Variants in FRYL observed in about 807,000 individuals in gnomAD.
FRYL encodes the protein protein furry homolog-like.
In FRYL, 150 loss-of-function variants were observed where a neutral mutation model predicts 351.2. The ratio of observed to expected loss-of-function variants is 0.43; its 90% CI spans 0.37 to 0.49. The LOEUF is 0.49. FRYL is among the 20% of genes least tolerant of loss of function. The probability of loss-of-function intolerance (pLI) is 0.00; values close to 1 mark genes in which losing one functional copy is unlikely to be tolerated. For synonymous variants in FRYL, 1,153 were observed against 1,257.1 expected (o/e 0.92, Z 1.75); for missense variants, 3,036 against 3,619.3 (o/e 0.84, Z 4.13).
chr4:48,704,808 G>A (rs550475633), intron 2 of FRYL, among the ~76,000 whole-genome samples: 1 of 152,282 alleles, frequency 6.6e-6, no homozygotes, highest in East Asian at 1.9e-4. Flanking sequence ...AATTAGCTGG[G>A]CATGGTGGCA....
chr4:48,700,706 G>A (rs1469148012), intron 2 of FRYL, among the ~76,000 whole-genome samples: 3 of 151,228 alleles, frequency 2.0e-5, no homozygotes, highest in Non-Finnish European at 1.5e-5. Context: ...GGAGGCTGAG[G>A]TGGGAGGATC....
chr4:48,678,239 C>A (rs17656429), intron 3 of FRYL, among the ~76,000 whole-genome samples: 1 of 151,816 alleles, frequency 6.6e-6, no homozygotes, highest in South Asian at 2.1e-4. Flanking sequence ...GCATTTCAAA[C>A]GATGAAGCAC....
intron 56 of FRYL, 106 bp from the exon 57 acceptor site, chr4:48,512,794 C>G: frequency 1.4e-6 from 1 of 732,748 alleles, no homozygotes; most frequent in Non-Finnish European, 2.3e-6. Context: ...TTTTATTCAT[C>G]ATACACACTG....
chr4:48,776,043 TAAA>T (rs535514949), intron 1 of FRYL, among the ~76,000 whole-genome samples: 1 of 127,582 alleles, frequency 7.8e-6, no homozygotes. Flanking sequence ...ATACAGAGGT[TAAA>T]AAAAAAAAGA....
At chr4:48,674,260 A>G (rs1763184085) in intron 3 of FRYL, among the ~76,000 whole-genome samples, 2 of 152,112 alleles carry the variant, frequency 1.3e-5, no homozygotes, top group African/African-American at 4.8e-5. Context: ...TCCTCCCACC[A>G]ACATTTATAC....
chr4:48,652,916 C>G (rs1758020874), intron 3 of FRYL, among the ~76,000 whole-genome samples: 1 of 152,128 alleles, frequency 6.6e-6, no homozygotes, highest in Admixed American at 6.5e-5. Context: ...TTTTTCTATA[C>G]TTCAATTTTC....
chr4:48,601,977 T>C (rs767533965), intron 13 of FRYL, 43 bp downstream of exon 13: 45 of 1,126,802 alleles, frequency 4.0e-5, no homozygotes, highest in Non-Finnish European at 5.6e-5. Context: ...AAACAAAATA[T>C]ACCAGTCAGT....
At chr4:48,592,849 C>T (rs1364903215) in intron 16 of FRYL, among the ~76,000 whole-genome samples, 1 of 152,042 alleles carries the variant, frequency 6.6e-6, no homozygotes, top group Non-Finnish European at 1.5e-5. Flanking sequence ...ATTATCTTTC[C>T]AACTCATTTG....
chr4:48,662,922 C>T (rs1761056883), intron 3 of FRYL, among the ~76,000 whole-genome samples: 1 of 151,932 alleles, frequency 6.6e-6, no homozygotes, highest in African/African-American at 2.4e-5. Context: ...CCAAGACAGA[C>T]AAAAGCTAAA....
chr4:48,727,328 AATCTT>A (rs1283499622), intron 1 of FRYL: 2 of 152,178 alleles, frequency 1.3e-5, no homozygotes. Context: ...AACAACAACT[AATCTT>A]AGCTCCTTAA....
intron 1 of FRYL, among the ~76,000 whole-genome samples, chr4:48,729,341 C>T (rs1770467007): frequency 6.6e-6 from 1 of 152,234 alleles, no homozygotes; most frequent in Non-Finnish European, 1.5e-5. Flanking sequence ...GACAGCTTCT[C>T]CAGACTTAAA....
intron 1 of FRYL, among the ~76,000 whole-genome samples, chr4:48,742,103 C>T (rs1382311881): frequency 2.0e-5 from 3 of 152,164 alleles, no homozygotes; most frequent in Admixed American, 1.3e-4. Context: ...GGAGGCTATG[C>T]ATGTGTGGGA....
intron 3 of FRYL, chr4:48,645,837 T>A (rs1364778470): frequency 1.3e-5 from 2 of 152,212 alleles, no homozygotes; most frequent in Non-Finnish European, 2.9e-5. Flanking sequence ...GTAATTATAA[T>A]ACCACAAATA....
At chr4:48,701,601 A>G (rs1396219895) in intron 2 of FRYL, among the ~76,000 whole-genome samples, 2 of 152,238 alleles carry the variant, frequency 1.3e-5, no homozygotes. Context: ...TCCCTTTACA[A>G]AAGAAACATG....
At position 48,730,413 on chromosome 4, in the gene FRYL, C is replaced by T. The variant is rs528658961; in HGVS notation, c.-383-19715G>A. Among the ~76,000 whole-genome samples the T allele has an allele frequency of 1.2e-4, 19 of 152,236 alleles. No homozygotes were observed. In the East Asian group the frequency reaches 3.7e-3, roughly 29 times the overall value. On this transcript the variant is annotated intron_variant, in intron 1 of 63. Transcript: ENST00000358350. Reference sequence around the variant, plus strand: ...CAAAGATACTCCTCAAAAAGATCAACCCCAAGCCACGTAATTGTCAGATTC... The same window carrying T: ...CAAAGATACTCCTCAAAAAGATCAATCCCAAGCCACGTAATTGTCAGATTC...
intron 56 of FRYL, among the ~76,000 whole-genome samples, chr4:48,512,897 C>CT (rs1329329544): frequency 6.6e-6 from 1 of 152,130 alleles, no homozygotes; most frequent in Non-Finnish European, 1.5e-5. Flanking sequence ...AATTAGAACT[C>CT]TAATTTCAAG....
chr4:48,557,210 G>C, intron 34 of FRYL, 92 bp from the exon 35 acceptor site: 1 of 1,442,788 alleles, frequency 6.9e-7, no homozygotes, highest in Non-Finnish European at 9.4e-7. Flanking sequence ...AAAATGTTTT[G>C]TACAGATAGC....
Position 48,498,290 on chromosome 4 carries a change from T to C in FRYL, c.*1132A>G, listed in dbSNP as rs568659331. On this transcript the variant is annotated 3_prime_UTR_variant, in exon 64 of 64. Transcript: ENST00000358350. Reference sequence around the variant, plus strand: ...ATACAAAAATGCATTTGCAGCTCTTTTCTTGAATTCTGCAGACTTCAAAGC... The same window carrying C: ...ATACAAAAATGCATTTGCAGCTCTTCTCTTGAATTCTGCAGACTTCAAAGC... 1.6e-4 allele frequency: 25 copies of C among 152,312 alleles called. No homozygotes were observed. The South Asian group carries it at 5.0e-3, about 30-fold the overall frequency. The allele number at this position is 152,312 out of a possible 1,614,324, so 9.4% of individuals were successfully genotyped here.
intron 27 of FRYL, among the ~76,000 whole-genome samples, chr4:48,568,158 G>A (rs12506770): frequency 0.029 from 4,418 of 152,236 alleles, 74 homozygotes; most frequent in Admixed American, 0.047. Flanking sequence ...CCAGCTACTC[G>A]GGAGGCTAAA....
Sources: gnomAD v4.1 joint callset for allele counts (sites outside exome capture counted in the v4.1 genomes callset) on GRCh38, gnomAD v4.1.1 for gene constraint, MANE v1.5 for transcripts, NCBI Gene and HGNC (gene_info 2026-07-23, HGNC 2026-07-21) for gene names.